Variants in NMD3 observed in about 807,000 individuals in gnomAD.
NMD3 encodes 60S ribosomal export protein NMD3.
NMD3 carries 47 observed loss-of-function variants against 73.1 expected under a neutral mutation model. The ratio of observed to expected loss-of-function variants is 0.64; its 90% confidence interval spans 0.51 to 0.82. NMD3 has a LOEUF of 0.82. Ranked by LOEUF, NMD3 falls within the 40% of genes least tolerant of loss-of-function variation. The pLI is 0.00. For synonymous variants in NMD3, 210 were observed against 194.5 expected, an observed-to-expected ratio of 1.08 and a Z score of -0.66; for missense variants, 554 against 612.5, an observed-to-expected ratio of 0.90 and a Z score of 1.01.
chr3:161,243,864 T>C (rs1737087865), intron 11 of NMD3, among the ~76,000 whole-genome samples: 2 of 152,234 alleles, frequency 1.3e-5, no homozygotes, highest in African/African-American at 2.4e-5. Context: ...TGTAATGTTA[T>C]GATTTTTTTT....
chr3:161,227,436 A>T, intron 4 of NMD3, 93 bp downstream of exon 4: 1 of 585,318 alleles, frequency 1.7e-6, no homozygotes, highest in Non-Finnish European at 2.9e-6. Context: ...TTTCAAAAGG[A>T]ATTTTTTTTT....
At chr3:161,225,420 A>G (rs184315397) in intron 3 of NMD3, among the ~76,000 whole-genome samples, 10 of 152,284 alleles carry the variant, frequency 6.6e-5, no homozygotes, top group Admixed American at 3.9e-4. Flanking sequence ...ATTAGAAGCC[A>G]TGTATGATAA....
At chr3:161,249,917 A>G (rs1017340499) in intron 14 of NMD3, among the ~76,000 whole-genome samples, 1 of 152,108 alleles carries the variant, frequency 6.6e-6, no homozygotes, top group Non-Finnish European at 1.5e-5. Context: ...TGACTTTATA[A>G]TAAATAATTA....
intron 14 of NMD3, 180 bp downstream of exon 14, chr3:161,249,740 T>A (rs1456051146): frequency 1.6e-6 from 1 of 615,422 alleles, no homozygotes; most frequent in Non-Finnish European, 2.9e-6. Context: ...TTAACACAGA[T>A]TTAGTAATTA....
At chr3:161,250,160 A>G in intron 14 of NMD3, 96 bp from the exon 15 acceptor site, 2 of 646,424 alleles carry the variant, frequency 3.1e-6, no homozygotes, top group Admixed American at 2.9e-5. Context: ...AGTTGGAAAC[A>G]GCAGTATGTC....
intron 3 of NMD3, among the ~76,000 whole-genome samples, chr3:161,226,356 G>A (rs1266608947): frequency 1.3e-5 from 2 of 151,332 alleles, no homozygotes; most frequent in Non-Finnish European, 2.9e-5. Flanking sequence ...CGAGAGGCAG[G>A]AGAATCGCTT....
At chr3:161,228,797 G>C (rs990712017) in intron 4 of NMD3, among the ~76,000 whole-genome samples, 1 of 152,168 alleles carries the variant, frequency 6.6e-6, no homozygotes, top group African/African-American at 2.4e-5. Flanking sequence ...TAACATGCCA[G>C]TGTGGAGCAG....
chr3:161,234,560 A>C (rs1736669307), intron 5 of NMD3, among the ~76,000 whole-genome samples, 167 bp from the exon 6 acceptor site: 1 of 152,036 alleles, frequency 6.6e-6, no homozygotes, highest in South Asian at 2.1e-4. Context: ...ACCGTTCTTG[A>C]AATAGTATAA....
intron 5 of NMD3, among the ~76,000 whole-genome samples, chr3:161,234,503 A>C (rs1028743481): frequency 1.3e-5 from 2 of 151,568 alleles, no homozygotes; most frequent in African/African-American, 4.8e-5. Context: ...CAGCTAAAGG[A>C]AAATTTGAAA....
In NMD3 at chr3:161,249,571, T is replaced by A; in HGVS notation, c.1310+11T>A. The stretch of plus-strand genomic sequence containing the variant: ...TACAGATGATGAAAGGTCTCGCTTT[T>A]CTTTAAATCTCTTATGTTGTCTCAA... On this transcript the variant is annotated intron_variant, in intron 14 of 15. Transcript: ENST00000351193. 7.0e-7 allele frequency: 1 copy of A among 1,432,890 alleles called. No individual in the cohort carries two copies. The highest frequency in any genetic ancestry group is 9.8e-7 in the Non-Finnish European group (1 of 1,017,938). The allele number at this position is 1,432,890 out of a possible 1,614,324, so 88.8% of individuals were successfully genotyped here.
intron 4 of NMD3, among the ~76,000 whole-genome samples, chr3:161,229,092 C>T (rs56378191): frequency 0.021 from 3,143 of 152,124 alleles, 73 homozygotes; most frequent in East Asian, 0.07. Context: ...GTGAATAGAA[C>T]GGAGTGGTGA....
chr3:161,226,329 A>G (rs1203228219), intron 3 of NMD3, among the ~76,000 whole-genome samples: 1 of 151,704 alleles, frequency 6.6e-6, no homozygotes, highest in Non-Finnish European at 1.5e-5. Flanking sequence ...TGGGGCACGC[A>G]TGTAATCCTA....
chr3:161,242,467 A>G, intron 10 of NMD3, 41 bp from the exon 11 acceptor site: 2 of 1,567,672 alleles, frequency 1.3e-6, no homozygotes, highest in Non-Finnish European at 8.7e-7. Context: ...ATTGAAATAT[A>G]TAATTTTTCT....
intron 4 of NMD3, among the ~76,000 whole-genome samples, chr3:161,230,417 A>G (rs372520373): frequency 2.0e-5 from 3 of 152,298 alleles, no homozygotes; most frequent in East Asian, 3.9e-4. Context: ...GATTACAAGC[A>G]TGAGCCACTG....
intron 4 of NMD3, among the ~76,000 whole-genome samples, chr3:161,232,136 C>CTT (rs11301799): frequency 1.1e-4 from 11 of 96,388 alleles, no homozygotes; most frequent in South Asian, 3.5e-4. Context: ...GCCTTTGGGG[C>CTT]TTTTTTTTTT....
At chr3:161,238,081 T>G (rs1736832413) in intron 7 of NMD3, 32 bp from the exon 8 acceptor site, 2 of 1,442,552 alleles carry the variant, frequency 1.4e-6, no homozygotes, top group East Asian at 4.7e-5. Flanking sequence ...TTTGCATAAT[T>G]ATTTTCATAG....
intron 15 of NMD3, 95 bp from the exon 16 acceptor site, chr3:161,250,682 AATG>A (rs1576862760): frequency 2.8e-6 from 2 of 717,802 alleles, no homozygotes; most frequent in Non-Finnish European, 2.2e-6. Context: ...ACATAATAAT[AATG>A]ATAAGGTAGA....
At chr3:161,224,826 A>T (rs1736243886) in intron 2 of NMD3, 104 bp from the exon 3 acceptor site, 3 of 1,135,930 alleles carry the variant, frequency 2.6e-6, no homozygotes, top group African/African-American at 1.6e-5. Flanking sequence ...AAGGGCAAAG[A>T]TGCTGTGGCC....
chr3:161,222,147 G>C, intron 2 of NMD3, 90 bp downstream of exon 2: 1 of 994,694 alleles, frequency 1.0e-6, no homozygotes, highest in Admixed American at 1.9e-5. Flanking sequence ...GAGGGTGGGT[G>C]GGAAAGAGCG....
Sources: gnomAD v4.1 joint callset for allele counts (sites outside exome capture counted in the v4.1 genomes callset) on GRCh38, gnomAD v4.1.1 for gene constraint, MANE v1.5 for transcripts, NCBI Gene and HGNC (gene_info 2026-07-23, HGNC 2026-07-21) for gene names.